Variants in TMEM176A observed in about 807,000 individuals in gnomAD.
TMEM176A encodes the protein transmembrane protein 176A, also known as hepatocellular carcinoma-associated antigen 112.
A neutral mutation model predicts 27.9 loss-of-function variants in TMEM176A; 20 were observed. The observed-to-expected ratio is 0.72, with a 90% CI of 0.50 to 1.04. TMEM176A has a LOEUF of 1.04. TMEM176A is among the 50% of genes least tolerant of loss of function. TMEM176A has a pLI of 0.00. For missense variants in TMEM176A, 252 were observed against 289.1 expected (o/e 0.87, Z 0.93); for synonymous variants, 125 against 118.0 (o/e 1.06, Z -0.38).
intron 6 of TMEM176A, 90 bp downstream of exon 6, chr7:150,804,562 AAAGG>A (rs1798884085): frequency 8.4e-7 from 1 of 1,194,760 alleles, no homozygotes; most frequent in East Asian, 2.3e-5. Flanking sequence ...TGGGGAGGAG[AAAGG>A]GGCCCATGAC....
intron 5 of TMEM176A, among the ~76,000 whole-genome samples, chr7:150,804,157 C>T (rs741061): frequency 0.43 from 64,823 of 152,066 alleles, 14,489 homozygotes; most frequent in Middle Eastern, 0.53. Flanking sequence ...TAGCCCAAAC[C>T]TGTCACTGTA....
At chr7:150,802,526 A>C (rs1354334746) in intron 3 of TMEM176A, 2 of 684,494 alleles carry the variant, frequency 2.9e-6, no homozygotes, top group Non-Finnish European at 4.7e-6. Context: ...GCTCTCCCAT[A>C]CCCTTCCCAG....
chr7:150,805,027 G>T lies in TMEM176A; in HGVS notation c.*159G>T. On this transcript the variant is annotated 3_prime_UTR_variant, in exon 7 of 7. Coordinates refer to ENST00000004103, the MANE Select transcript of TMEM176A (RefSeq NM_018487.3). ...CCACAGCCCTGCTCCAGCAGCACTT[G>T]CCCATTCCTTACACCCCTTCCCCAT... 1 of 721,846 alleles carries T rather than the reference G, an allele frequency of 1.4e-6. No individual in the cohort carries two copies. The highest frequency in any genetic ancestry group is 1.6e-5 in the South Asian group (1 of 61,822). 44.7% of individuals were successfully genotyped at this position (721,846 alleles called of 1,614,324 possible). A position where few individuals can be genotyped will look rare whatever the true frequency, so the allele number is the denominator to read the frequency against.
In TMEM176A at chr7:150,801,521, C is replaced by A; in HGVS notation, c.-15-15C>A. 1 of 1,560,112 alleles carries A rather than the reference C, an allele frequency of 6.4e-7. No homozygotes were observed. The highest frequency in any genetic ancestry group is 8.6e-7 in the Non-Finnish European group (1 of 1,157,888). On this transcript the variant is annotated splice_polypyrimidine_tract_variant and intron_variant, in intron 1 of 6. Coordinates refer to ENST00000004103, the MANE Select transcript of TMEM176A (RefSeq NM_018487.3). The stretch of plus-strand genomic sequence containing the variant: ...TTCTGACAGCCGTTCCTCTCTGGTG[C>A]TCCCTTCCTCATAGACTGTGTCCCT...
rs191087163 is a variant in TMEM176A at position 150,803,507 on chromosome 7, C to T, written c.342+51C>T. The T allele has an allele frequency of 1.4e-3, 2,194 of 1,574,176 alleles. 23 individuals are homozygous for T. In the East Asian group the frequency reaches 0.018, roughly 13 times the overall value. On this transcript the variant is annotated intron_variant, in intron 4 of 6. Coordinates refer to ENST00000004103, the MANE Select transcript of TMEM176A (RefSeq NM_018487.3). Reference sequence around the variant, plus strand: ...GGGACCAGGTTCAGGCTGGAGGTCACCCCAATCTCCTGCCCTGTTGCAGGC... The same window carrying T: ...GGGACCAGGTTCAGGCTGGAGGTCATCCCAATCTCCTGCCCTGTTGCAGGC...
At chr7:150,800,910 G>A (rs1052575214) in intron 1 of TMEM176A, 82 bp downstream of exon 1, 1 of 985,644 alleles carries the variant, frequency 1.0e-6, no homozygotes, top group Non-Finnish European at 1.2e-6. Context: ...TTGGAGGAGC[G>A]TAGGAGGGAC....
chr7:150,801,029 CGGCGTGAACCCGTCG>C, intron 1 of TMEM176A: 1 of 979,486 alleles, frequency 1.0e-6, no homozygotes, highest in Non-Finnish European at 1.2e-6. Flanking sequence ...GGGGCAGGGG[CGGCGTGAACCCGTCG>C]GGCGTGAGCA....
Position 150,802,283 on chromosome 7 carries a change from C to A in TMEM176A, c.243C>A (p.Thr81=), listed in dbSNP as rs1798825558. The A allele has an allele frequency of 6.2e-7, 1 of 1,613,900 alleles. No homozygotes were observed. The highest frequency in any genetic ancestry group is 8.5e-7 in the Non-Finnish European group (1 of 1,180,004). The change falls in exon 3 of 7, where the codon ACC becomes ACA. Residue 81 remains threonine, a synonymous_variant. Transcript: ENST00000004103. ...GATTTTTCTACATCCGCGACTACAC[C>A]CTCCTCGTCACCTCGGGAGCTGCCA... ...LGGFFYIRDY[T]LLVTSGAAIW...
chr7:150,801,263 A>C, intron 1 of TMEM176A: 13 of 296,466 alleles, frequency 4.4e-5, no homozygotes, highest in East Asian at 1.3e-4. Flanking sequence ...CCCAGACGCC[A>C]GGGCCCTGGG....
intron 6 of TMEM176A, 131 bp from the exon 7 acceptor site, chr7:150,804,696 A>AT (rs1798885992): frequency 1.9e-6 from 2 of 1,043,024 alleles, no homozygotes; most frequent in African/African-American, 3.2e-5. Context: ...GGAAGTCCAT[A>AT]TCCATGCTAT....
At chr7:150,803,494 A>G (rs544516214) in intron 4 of TMEM176A, 38 bp downstream of exon 4, 1 of 1,573,048 alleles carries the variant, frequency 6.4e-7, no homozygotes, top group African/African-American at 1.4e-5. Flanking sequence ...GACCAGGTTC[A>G]GGCTGGAGGT....
At chr7:150,802,685 C>T (rs181580516) in intron 3 of TMEM176A, 2 of 1,074,418 alleles carry the variant, frequency 1.9e-6, no homozygotes, top group African/African-American at 1.7e-5. Context: ...GGAAGCATCA[C>T]CCCCTGGTTA....
chr7:150,801,805 C>A, intron 2 of TMEM176A, 81 bp downstream of exon 2: 1 of 1,318,662 alleles, frequency 7.6e-7, no homozygotes, highest in Non-Finnish European at 1.0e-6. Flanking sequence ...GCCAGCCTCC[C>A]TCTGAACAGG....
chr7:150,801,210 CG>C, intron 1 of TMEM176A: 1 of 212,172 alleles, frequency 4.7e-6, no homozygotes, highest in Non-Finnish European at 9.0e-6. Context: ...AGGAAGAGCC[CG>C]GGAGGAGGGG....
At chr7:150,803,110 T>G in intron 3 of TMEM176A, 1 of 1,106,460 alleles carries the variant, frequency 9.0e-7, no homozygotes, top group Non-Finnish European at 1.1e-6. Flanking sequence ...CCCTAGAACT[T>G]TCATAAAGCA....
In TMEM176A at chr7:150,803,470, A is replaced by G. The variant is rs982670946; in HGVS notation, c.342+14A>G. ...GGTACATACTGGGTAAGTTCAGGGA[A>G]GGGCATGGGAGGGGACCAGGTTCAG... On this transcript the variant is annotated intron_variant, in intron 4 of 6. Coordinates refer to ENST00000004103, the MANE Select transcript of TMEM176A (RefSeq NM_018487.3). 1 of 1,584,476 alleles carries G rather than the reference A, an allele frequency of 6.3e-7. No individual in the cohort carries two copies. The highest frequency in any genetic ancestry group is 8.6e-7 in the Non-Finnish European group (1 of 1,166,136).
At chr7:150,802,502 T>A in intron 3 of TMEM176A, 177 bp downstream of exon 3, 1 of 701,452 alleles carries the variant, frequency 1.4e-6, no homozygotes, top group Non-Finnish European at 2.3e-6. Flanking sequence ...TGGCATGTCC[T>A]ATTCACACTG....
At chr7:150,804,517 T>G in intron 6 of TMEM176A, 45 bp downstream of exon 6, 2 of 1,522,780 alleles carry the variant, frequency 1.3e-6, no homozygotes, top group Non-Finnish European at 1.8e-6. Context: ...GCAGTGGAAC[T>G]GCTCAAAGGA....
chr7:150,803,914 C>A, intron 5 of TMEM176A, 82 bp downstream of exon 5: 1 of 1,311,050 alleles, frequency 7.6e-7, no homozygotes, highest in Non-Finnish European at 1.1e-6. Context: ...AGGTTCTCCA[C>A]CAGAAATAGG....
Sources: gnomAD v4.1 joint callset for allele counts (sites outside exome capture counted in the v4.1 genomes callset) on GRCh38, gnomAD v4.1.1 for gene constraint, MANE v1.5 for transcripts, NCBI Gene and HGNC (gene_info 2026-07-23, HGNC 2026-07-21) for gene names.